GAS7: variants seen among roughly 807,000 people sequenced by gnomAD.
GAS7 encodes growth arrest specific 7.
A neutral mutation model predicts 71.1 loss-of-function variants in GAS7; 28 were observed. The ratio of observed to expected loss-of-function variants is 0.39; its 90% confidence interval spans 0.29 to 0.54. The LOEUF (loss-of-function observed/expected upper bound fraction) is 0.54, where lower values mean the gene tolerates loss of function less well. Among genes scored for constraint, GAS7 ranks in the 20% least tolerant of loss-of-function variants. The pLI, the probability that GAS7 is intolerant of heterozygous loss-of-function variation, is 0.62. For missense variants in GAS7, 436 were observed against 627.8 expected, an observed-to-expected ratio of 0.69 and a Z score of 3.27; for synonymous variants, 258 against 245.8, an observed-to-expected ratio of 1.05 and a Z score of -0.46.
chr17:9,931,289 G>C (rs1197977494), intron 9 of GAS7, among the ~76,000 whole-genome samples: 2 of 152,164 alleles, frequency 1.3e-5, no homozygotes, highest in African/African-American at 2.4e-5. Context: ...GTTATATCCT[G>C]CACACAGCCA....
At chr17:10,012,455 T>A (rs572706740) in intron 2 of GAS7, among the ~76,000 whole-genome samples, 6 of 151,272 alleles carry the variant, frequency 4.0e-5, no homozygotes, top group Admixed American at 1.3e-4. Context: ...ACCCGGCTAA[T>A]TTTTGTATTT....
chr17:10,120,563 C>T (rs2073896263), intron 1 of GAS7, among the ~76,000 whole-genome samples: 1 of 151,936 alleles, frequency 6.6e-6, no homozygotes, highest in South Asian at 2.1e-4. Flanking sequence ...AATACCAAAA[C>T]TAGCTGGGTG....
At chr17:10,130,348 AC>A (rs1198186044) in intron 1 of GAS7, among the ~76,000 whole-genome samples, 5 of 145,712 alleles carry the variant, frequency 3.4e-5, no homozygotes, top group South Asian at 2.2e-4. Flanking sequence ...AAAAAAAAAA[AC>A]GTAGATAATT....
At chr17:10,160,202 G>A (rs1359139977) in intron 1 of GAS7, among the ~76,000 whole-genome samples, 1 of 152,066 alleles carries the variant, frequency 6.6e-6, no homozygotes, top group Admixed American at 6.6e-5. Flanking sequence ...GACCCTGTCT[G>A]GCCAGGTATG....
chr17:10,060,767 C>T (rs1316561724), intron 1 of GAS7, among the ~76,000 whole-genome samples: 1 of 152,188 alleles, frequency 6.6e-6, no homozygotes, highest in Non-Finnish European at 1.5e-5. Context: ...GGTCCTTCTG[C>T]AGAGCAGTGT....
intron 5 of GAS7, among the ~76,000 whole-genome samples, chr17:9,947,390 A>G (rs1194641617): frequency 6.6e-6 from 1 of 152,210 alleles, no homozygotes; most frequent in Non-Finnish European, 1.5e-5. Context: ...ATGGTTAAAC[A>G]AAGTATGAGA....
intron 3 of GAS7, among the ~76,000 whole-genome samples, chr17:9,970,722 C>G (rs2069927339): frequency 6.6e-6 from 1 of 152,168 alleles, no homozygotes; most frequent in Admixed American, 6.5e-5. Context: ...GGGACACTCA[C>G]TCATGCTCCC....
At chr17:10,032,111 GAAA>G (rs749716743) in intron 1 of GAS7, among the ~76,000 whole-genome samples, 1 of 74,750 alleles carries the variant, frequency 1.3e-5, no homozygotes, top group African/African-American at 4.8e-5. Flanking sequence ...GGGAACCTCA[GAAA>G]AAAAAAAAAA....
chr17:9,975,672 T>C (rs1172507423), intron 3 of GAS7, among the ~76,000 whole-genome samples: 1 of 152,212 alleles, frequency 6.6e-6, no homozygotes, highest in Admixed American at 6.5e-5. Flanking sequence ...TATGCAGTGA[T>C]AGTAAAGGGT....
intron 1 of GAS7, among the ~76,000 whole-genome samples, chr17:10,134,784 C>G (rs374096332): frequency 6.6e-6 from 1 of 152,208 alleles, no homozygotes; most frequent in East Asian, 1.9e-4. Flanking sequence ...AGGGCTACCC[C>G]CTGGGCAGAC....
intron 5 of GAS7, among the ~76,000 whole-genome samples, chr17:9,955,614 C>T (rs888734319): frequency 2.6e-5 from 4 of 152,142 alleles, no homozygotes; most frequent in Non-Finnish European, 5.9e-5. Flanking sequence ...CCACGCAAGC[C>T]GGCTTCAGTC....
At chr17:9,941,344 C>T (rs773947633) in intron 7 of GAS7, among the ~76,000 whole-genome samples, 41 of 152,184 alleles carry the variant, frequency 2.7e-4, no homozygotes, top group Non-Finnish European at 5.1e-4. Context: ...CCATGCCACG[C>T]TCCCGGCTCC....
chr17:10,143,779 T>C (rs1304256953), intron 1 of GAS7, among the ~76,000 whole-genome samples: 1 of 152,150 alleles, frequency 6.6e-6, no homozygotes, highest in Non-Finnish European at 1.5e-5. Flanking sequence ...GTCTCTAGAA[T>C]TGCAAGAAAA....
Position 9,916,835 on chromosome 17 carries a change from C to A in GAS7, c.*393G>T. Reference sequence around the variant, plus strand: ...GCTTAGAGACAGAGCCCTCCCTACCCTGATCCTCCAAAGCCCTGGAGACAA... The same window carrying A: ...GCTTAGAGACAGAGCCCTCCCTACCATGATCCTCCAAAGCCCTGGAGACAA... On this transcript the variant is annotated 3_prime_UTR_variant, in exon 14 of 14. Coordinates refer to ENST00000432992, the MANE Select transcript of GAS7 (RefSeq NM_201433.2). The A allele has an allele frequency of 2.3e-6, 1 of 431,624 alleles. No homozygotes were observed. The highest frequency in any genetic ancestry group is 4.1e-6 in the Non-Finnish European group (1 of 244,674). 26.7% of individuals were successfully genotyped at this position (431,624 alleles called of 1,614,324 possible).
At chr17:10,157,743 G>A (rs758978953) in intron 1 of GAS7, among the ~76,000 whole-genome samples, 4 of 152,054 alleles carry the variant, frequency 2.6e-5, no homozygotes, top group South Asian at 2.1e-4. Flanking sequence ...CACCCTCCCC[G>A]CAAAAAATTT....
chr17:9,932,919 T>C (rs1301425205), intron 9 of GAS7, among the ~76,000 whole-genome samples: 2 of 152,110 alleles, frequency 1.3e-5, no homozygotes, highest in Non-Finnish European at 2.9e-5. Context: ...ACGCCTATAA[T>C]CCTAGCACTT....
chr17:10,149,195 T>C (rs1251328919), intron 1 of GAS7, among the ~76,000 whole-genome samples: 4 of 152,290 alleles, frequency 2.6e-5, no homozygotes. Context: ...CTTCATCTCC[T>C]GGGTTTAAGC....
intron 3 of GAS7, among the ~76,000 whole-genome samples, chr17:9,977,284 C>T (rs550878197): frequency 2.6e-5 from 4 of 152,288 alleles, no homozygotes; most frequent in Admixed American, 2.6e-4. Flanking sequence ...TAGTGGCTAC[C>T]ATATTGGAAG....
chr17:10,198,103 C>A (rs2074554148), intron 1 of GAS7, 105 bp downstream of exon 1: 1 of 1,108,408 alleles, frequency 9.0e-7, no homozygotes, highest in African/African-American at 1.6e-5. Flanking sequence ...CCCCGGGGCG[C>A]CCCTCCGACC....
Sources: allele counts gnomAD v4.1 joint callset (sites outside exome capture counted in the v4.1 genomes callset), GRCh38; gene constraint gnomAD v4.1.1; transcripts MANE v1.5; gene names NCBI Gene and HGNC (gene_info 2026-07-23, HGNC 2026-07-21).